Variants in LRBA observed in about 807,000 individuals in gnomAD.
LRBA encodes lipopolysaccharide-responsive and beige-like anchor protein.
A neutral mutation model predicts 330.0 loss-of-function variants in LRBA; 176 were observed. The ratio of observed to expected loss-of-function variants is 0.53; its 90% CI spans 0.47 to 0.60. LRBA has a LOEUF of 0.60. Among genes scored for constraint, LRBA ranks in the 20% least tolerant of loss-of-function variants. The pLI is 0.00. For missense variants in LRBA, 3,259 were observed against 3,444.8 expected, an observed-to-expected ratio of 0.95 and a Z score of 1.35; for synonymous variants, 1,230 against 1,193.0, an observed-to-expected ratio of 1.03 and a Z score of -0.64.
At chr4:150,712,535 C>T (rs987788899) in intron 36 of LRBA, among the ~76,000 whole-genome samples, 3 of 152,150 alleles carry the variant, frequency 2.0e-5, no homozygotes, top group African/African-American at 7.2e-5. Flanking sequence ...TAAAAGTTTA[C>T]AATTTTTTCT....
At chr4:150,961,217 G>T (rs1738108891) in intron 2 of LRBA, among the ~76,000 whole-genome samples, 1 of 149,172 alleles carries the variant, frequency 6.7e-6, no homozygotes, top group Non-Finnish European at 1.5e-5. Flanking sequence ...AAACAGGTGG[G>T]GGAGGAGGAT....
intron 46 of LRBA, among the ~76,000 whole-genome samples, chr4:150,420,065 G>A (rs113547229): frequency 9.3e-5 from 14 of 150,264 alleles, no homozygotes; most frequent in Admixed American, 3.3e-4. Context: ...GGCAAGACCC[G>A]TCTCTACAAA....
chr4:150,442,488 G>T (rs569195418), intron 44 of LRBA, among the ~76,000 whole-genome samples: 2 of 152,286 alleles, frequency 1.3e-5, no homozygotes, highest in East Asian at 3.9e-4. Flanking sequence ...CTGATGACTG[G>T]CTGAAAGCCA....
At chr4:150,713,215 C>T (rs775664358) in intron 36 of LRBA, among the ~76,000 whole-genome samples, 1 of 152,144 alleles carries the variant, frequency 6.6e-6, no homozygotes, top group Admixed American at 6.6e-5. Context: ...GGATTATAGG[C>T]ATGAGCCACT....
intron 37 of LRBA, among the ~76,000 whole-genome samples, chr4:150,668,450 A>AATTCACTC (rs1482233349): frequency 6.6e-6 from 1 of 152,234 alleles, no homozygotes. Flanking sequence ...TGTAAAAAGC[A>AATTCACTC]ATTCACTCTA....
At chr4:150,903,421 G>A (rs1230658426) in intron 13 of LRBA, among the ~76,000 whole-genome samples, 2 of 152,062 alleles carry the variant, frequency 1.3e-5, no homozygotes, top group Admixed American at 6.6e-5. Flanking sequence ...TCAGTCTATT[G>A]AGAATGATAC....
chr4:150,375,344 A>T (rs1240197582), intron 47 of LRBA, among the ~76,000 whole-genome samples: 1 of 152,176 alleles, frequency 6.6e-6, no homozygotes, highest in Non-Finnish European at 1.5e-5. Context: ...CTGGAGGATA[A>T]TCAGAACACC....
intron 4 of LRBA, among the ~76,000 whole-genome samples, chr4:150,923,285 G>T (rs1480647696): frequency 6.6e-6 from 1 of 150,432 alleles, no homozygotes; most frequent in Non-Finnish European, 1.5e-5. Context: ...GCCTCATTTT[G>T]CTTCTTACTC....
intron 40 of LRBA, among the ~76,000 whole-genome samples, chr4:150,553,211 G>T (rs898180308): frequency 2.6e-5 from 4 of 151,952 alleles, no homozygotes; most frequent in Non-Finnish European, 5.9e-5. Flanking sequence ...GCAAACTATC[G>T]CAAGGACAGA....
At chr4:150,278,268 C>T (rs1747067527) in intron 55 of LRBA, among the ~76,000 whole-genome samples, 3 of 152,206 alleles carry the variant, frequency 2.0e-5, no homozygotes, top group Admixed American at 2.0e-4. Context: ...ACAAATGCTA[C>T]TGGAATGGTG....
At chr4:150,876,842 C>G (rs979657321) in intron 17 of LRBA, among the ~76,000 whole-genome samples, 2 of 152,144 alleles carry the variant, frequency 1.3e-5, no homozygotes, top group African/African-American at 4.8e-5. Context: ...ATGATAGGAT[C>G]AAAATCTCAC....
At chr4:151,008,700 C>T (rs1258123655) in intron 2 of LRBA, among the ~76,000 whole-genome samples, 2 of 151,742 alleles carry the variant, frequency 1.3e-5, no homozygotes, top group Admixed American at 6.6e-5. Flanking sequence ...CTAGGCTGGG[C>T]GCAGTGGCTC....
chr4:150,940,249 A>AG (rs1479900909), intron 2 of LRBA, among the ~76,000 whole-genome samples: 1 of 150,808 alleles, frequency 6.6e-6, no homozygotes, highest in East Asian at 1.9e-4. Context: ...TAAAAAAAAA[A>AG]AAAAATAGCC....
At chr4:150,479,188 T>C (rs1757033343) in intron 42 of LRBA, among the ~76,000 whole-genome samples, 1 of 151,502 alleles carries the variant, frequency 6.6e-6, no homozygotes, top group Non-Finnish European at 1.5e-5. Flanking sequence ...CTGAGGTGAG[T>C]GATTCGCTTG....
intron 47 of LRBA, among the ~76,000 whole-genome samples, chr4:150,397,573 A>T (rs1702236925): frequency 6.6e-6 from 1 of 152,188 alleles, no homozygotes; most frequent in Non-Finnish European, 1.5e-5. Context: ...CCACCATGCC[A>T]GGCCTAAGAA....
intron 13 of LRBA, among the ~76,000 whole-genome samples, chr4:150,904,196 A>C (rs1437407836): frequency 2.0e-5 from 3 of 152,164 alleles, no homozygotes; most frequent in African/African-American, 7.2e-5. Flanking sequence ...CTTTATGACC[A>C]CTGATCTATA....
chr4:150,487,683 A>G, intron 42 of LRBA, 49 bp downstream of exon 42: 1 of 980,976 alleles, frequency 1.0e-6, no homozygotes. Flanking sequence ...TAATTATTAT[A>G]ACTATTAAGA....
chr4:150,786,530 CA>C (rs1739084273), intron 34 of LRBA, among the ~76,000 whole-genome samples: 1 of 152,136 alleles, frequency 6.6e-6, no homozygotes, highest in Admixed American at 6.5e-5. Context: ...AGGCATGAGC[CA>C]CTGCTCCTGG....
intron 31 of LRBA, among the ~76,000 whole-genome samples, chr4:150,812,623 T>C (rs1208082827): frequency 2.6e-5 from 4 of 152,168 alleles, no homozygotes; most frequent in Non-Finnish European, 5.9e-5. Context: ...CCTATTGGCC[T>C]AAATCTTACA....
Sources: allele counts gnomAD v4.1 joint callset (sites outside exome capture counted in the v4.1 genomes callset), GRCh38; gene constraint gnomAD v4.1.1; transcripts MANE v1.5; gene names NCBI Gene and HGNC (gene_info 2026-07-23, HGNC 2026-07-21).